STIM2: variants seen among roughly 807,000 people sequenced by gnomAD.
STIM2 encodes stromal interaction molecule 2.
In STIM2, 31 loss-of-function variants were observed where a neutral mutation model predicts 85.8. That is an observed-to-expected ratio of 0.36 (90% confidence interval 0.27 to 0.49). The LOEUF (loss-of-function observed/expected upper bound fraction) is 0.49, where lower values mean the gene tolerates loss of function less well. Ranked by LOEUF, STIM2 falls within the 20% of genes least tolerant of loss-of-function variation. The pLI, the probability that STIM2 is intolerant of heterozygous loss-of-function variation, is 0.98. For synonymous variants in STIM2, 356 were observed against 331.1 expected, an observed-to-expected ratio of 1.08 and a Z score of -0.82; for missense variants, 841 against 927.6, an observed-to-expected ratio of 0.91 and a Z score of 1.21.
At chr4:26,864,619 A>G (rs1240163364) in intron 1 of STIM2, among the ~76,000 whole-genome samples, 1 of 152,158 alleles carries the variant, frequency 6.6e-6, no homozygotes, top group African/African-American at 2.4e-5. Flanking sequence ...TTAAAGTAAC[A>G]TTCTTTAGTG....
chr4:26,889,158 G>T (rs750125557), intron 1 of STIM2, among the ~76,000 whole-genome samples: 1 of 152,180 alleles, frequency 6.6e-6, no homozygotes, highest in Non-Finnish European at 1.5e-5. Context: ...TCTGGATTCT[G>T]GGATCCATGA....
At chr4:26,970,239 ATATATATG>A (rs1262978030) in intron 3 of STIM2, among the ~76,000 whole-genome samples, 434 of 23,626 alleles carry the variant, frequency 0.018, 8 homozygotes, top group East Asian at 0.13. Flanking sequence ...ATATATATAT[ATATATATG>A]TATGTATTTT....
intron 3 of STIM2, among the ~76,000 whole-genome samples, chr4:26,971,632 T>C (rs1275956055): frequency 6.6e-6 from 1 of 152,240 alleles, no homozygotes; most frequent in Non-Finnish European, 1.5e-5. Flanking sequence ...TACCCTTCTG[T>C]TTTGGCTACT....
In STIM2 at chr4:26,885,859, A is replaced by ATATATGTATATATATATATATATG. The variant is rs1553845028; in HGVS notation, c.151+24495_151+24496insGTATATATATATATATATGTATAT. ...TATATATATATATATATATATATATATATATATATATATATGTATATGTCT... is the reference window on the plus strand; with the variant it reads ...TATATATATATATATATATATATATATATATGTATATATATATATATATGTATATATATATATATGTATATGTCT... On this transcript the variant is annotated intron_variant, in intron 1 of 11. Transcript: ENST00000467087. 6.0e-4 allele frequency among the ~76,000 whole-genome samples: 54 copies of ATATATGTATATATATATATATATG among 89,426 alleles called. 3 individuals carry two copies. The East Asian group carries it at 0.013, about 22-fold the overall frequency. The allele number at this position is 89,426 out of a possible 152,430, so 58.7% of individuals were successfully genotyped here. A position where few individuals can be genotyped will look rare whatever the true frequency, so the allele number is the denominator to read the frequency against.
At chr4:26,984,350 A>G (rs776167383) in intron 3 of STIM2, among the ~76,000 whole-genome samples, 2 of 152,066 alleles carry the variant, frequency 1.3e-5, no homozygotes, top group Non-Finnish European at 2.9e-5. Context: ...GAGACCCACT[A>G]TTTCTCCAAT....
chr4:26,912,216 T>C lies in STIM2; in HGVS notation c.152-7288T>C, dbSNP rs139704733. 1.3e-4 allele frequency among the ~76,000 whole-genome samples: 20 copies of C among 152,300 alleles called. 1 individual carries two copies. Among genetic ancestry groups the C allele is most frequent in the Admixed American group, 1.0e-3 (16 of 15,298 alleles). ...AGAAAATCCTAATCATGAGATTCAC[T>C]AAATAGTTGCCAGCGTGGTAAGCCA... On this transcript the variant is annotated intron_variant, in intron 1 of 11. Coordinates refer to ENST00000467087, the MANE Select transcript of STIM2 (RefSeq NM_020860.4).
At chr4:26,870,532 G>A (rs1245207511) in intron 1 of STIM2, among the ~76,000 whole-genome samples, 1 of 151,884 alleles carries the variant, frequency 6.6e-6, no homozygotes, top group Non-Finnish European at 1.5e-5. Context: ...CCCTTCTTTG[G>A]AACAAAGTAT....
At chr4:26,941,630 C>T (rs1436710342) in intron 2 of STIM2, among the ~76,000 whole-genome samples, 3 of 151,946 alleles carry the variant, frequency 2.0e-5, no homozygotes, top group Non-Finnish European at 2.9e-5. Context: ...TACTTTCTCC[C>T]CTTAAAAAAG....
chr4:26,945,649 G>A (rs971257621), intron 2 of STIM2, among the ~76,000 whole-genome samples: 16 of 152,100 alleles, frequency 1.1e-4, no homozygotes, highest in African/African-American at 3.9e-4. Context: ...ATTCTGACTG[G>A]TGTGCAGTGG....
Position 27,022,961 on chromosome 4 carries a change from AAAATC to A in STIM2, c.2210_2214del (p.Ile737LysfsTer4). 1 of 1,613,672 alleles carries A rather than the reference AAAATC, an allele frequency of 6.2e-7. No homozygotes were observed. Among genetic ancestry groups the A allele is most frequent in the Non-Finnish European group, 8.5e-7 (1 of 1,179,976 alleles). On this transcript the variant is annotated frameshift_variant, in exon 12 of 12. Coordinates refer to ENST00000467087, the MANE Select transcript of STIM2 (RefSeq NM_020860.4). LOFTEE classifies it high-confidence loss of function. Reference sequence around the variant, plus strand: ...TGGAGAGAAAAGCAAAAAGCCATCAAAAATCAAAAGCCTTTTTAAGAAGAAATCTA... The same window carrying A: ...TGGAGAGAAAAGCAAAAAGCCATCAAAAAAGCCTTTTTAAGAAGAAATCTA...
intron 2 of STIM2, among the ~76,000 whole-genome samples, chr4:26,922,454 C>A (rs1724840551): frequency 6.6e-6 from 1 of 152,120 alleles, no homozygotes; most frequent in Non-Finnish European, 1.5e-5. Flanking sequence ...TCTGCAGTTT[C>A]AATGACTTGC....
At chr4:27,017,292 G>A (rs2109144640) in intron 10 of STIM2, among the ~76,000 whole-genome samples, 1 of 152,286 alleles carries the variant, frequency 6.6e-6, no homozygotes, top group Admixed American at 6.5e-5. Context: ...AACTGATTGA[G>A]TTCAAAGAAC....
chr4:26,916,740 G>GTTT (rs60403799), intron 1 of STIM2, among the ~76,000 whole-genome samples: 2 of 146,564 alleles, frequency 1.4e-5, no homozygotes, highest in African/African-American at 5.0e-5. Flanking sequence ...AATGTTTTAT[G>GTTT]TTTTTTTTTT....
intron 1 of STIM2, among the ~76,000 whole-genome samples, chr4:26,910,542 A>T (rs983641879): frequency 1.3e-4 from 19 of 151,998 alleles, no homozygotes; most frequent in African/African-American, 4.6e-4. Flanking sequence ...AAAAACAAAA[A>T]ACAAACAAAA....
At position 27,024,078 on chromosome 4, in the gene STIM2, G is replaced by GT. The variant is rs1231217934; in HGVS notation, c.*1083dup. On this transcript the variant is annotated 3_prime_UTR_variant, in exon 12 of 12. Transcript: ENST00000467087. The stretch of plus-strand genomic sequence containing the variant: ...TATAAGAAATAGTGATGTTTTGGAC[G>GT]TAAGTTGTCAACAAATTTCTATTTT... The GT allele has an allele frequency of 6.6e-6, 1 of 152,576 alleles. No individual in the cohort carries two copies. The highest frequency in any genetic ancestry group is 1.5e-5 in the Non-Finnish European group (1 of 68,024). 9.5% of individuals were successfully genotyped at this position (152,576 alleles called of 1,614,324 possible).
intron 1 of STIM2, among the ~76,000 whole-genome samples, chr4:26,885,483 C>T (rs144017050): frequency 1.3e-5 from 2 of 151,960 alleles, no homozygotes; most frequent in African/African-American, 4.8e-5. Flanking sequence ...ATTGTATCAG[C>T]TTATTTACTG....
intron 1 of STIM2, among the ~76,000 whole-genome samples, chr4:26,872,488 T>C (rs749796793): frequency 4.6e-5 from 7 of 152,338 alleles, no homozygotes; most frequent in Middle Eastern, 6.8e-3. Context: ...AAAATACATC[T>C]ACTTCAACAG....
chr4:27,014,540 A>T (rs1419969421), intron 10 of STIM2, among the ~76,000 whole-genome samples: 2 of 151,280 alleles, frequency 1.3e-5, no homozygotes, highest in Non-Finnish European at 3.0e-5. Context: ...CTTGTGCGTG[A>T]TTAGAGAATA....
chr4:26,931,553 T>C (rs951580176), intron 2 of STIM2, among the ~76,000 whole-genome samples: 5 of 152,190 alleles, frequency 3.3e-5, no homozygotes, highest in African/African-American at 1.2e-4. Context: ...TGTGTAGAAT[T>C]TTAAAGCCTG....
Sources: gnomAD v4.1 joint callset for allele counts (sites outside exome capture counted in the v4.1 genomes callset) on GRCh38, gnomAD v4.1.1 for gene constraint, MANE v1.5 for transcripts, NCBI Gene and HGNC (gene_info 2026-07-23, HGNC 2026-07-21) for gene names.